ROBO2: variants seen among roughly 807,000 people sequenced by gnomAD.
ROBO2 encodes roundabout homolog 2.
In ROBO2, 53 loss-of-function variants were observed where a neutral mutation model predicts 160.8. The observed-to-expected ratio is 0.33, with a 90% CI of 0.26 to 0.41. The LOEUF is 0.41. Ranked by LOEUF, ROBO2 falls within the 10% of genes least tolerant of loss-of-function variation. The probability of loss-of-function intolerance (pLI) is 1.00; values close to 1 mark genes in which losing one functional copy is unlikely to be tolerated. For missense variants in ROBO2, 1,577 were observed against 1,722.4 expected (o/e 0.92, Z 1.49); for synonymous variants, 664 against 611.7 (o/e 1.09, Z -1.26).
At chr3:76,808,222 C>T (rs377590056) in intron 2 of ROBO2, among the ~76,000 whole-genome samples, 16 of 152,030 alleles carry the variant, frequency 1.1e-4, no homozygotes, top group African/African-American at 2.4e-4. Flanking sequence ...CTTACTCCAA[C>T]GATGCACTGC....
intron 2 of ROBO2, among the ~76,000 whole-genome samples, chr3:76,548,349 T>C (rs974522080): frequency 6.6e-6 from 1 of 152,086 alleles, no homozygotes; most frequent in African/African-American, 2.4e-5. Context: ...TGGACACACA[T>C]AGATTCCAGC....
chr3:76,125,759 T>C (rs1449449323), intron 2 of ROBO2, among the ~76,000 whole-genome samples: 3 of 152,140 alleles, frequency 2.0e-5, no homozygotes, highest in Non-Finnish European at 4.4e-5. Flanking sequence ...TAAGCTTAGG[T>C]GTTCAATTAA....
chr3:77,627,971 T>C (rs1052877535), intron 23 of ROBO2, among the ~76,000 whole-genome samples: 1 of 152,224 alleles, frequency 6.6e-6, no homozygotes, highest in Non-Finnish European at 1.5e-5. Flanking sequence ...TTAATTTTAG[T>C]GCTGAAGATG....
intron 2 of ROBO2, among the ~76,000 whole-genome samples, chr3:76,106,465 A>C (rs969737708): frequency 6.6e-6 from 1 of 152,150 alleles, no homozygotes; most frequent in Non-Finnish European, 1.5e-5. Context: ...TAACTTTTAC[A>C]TATTTGCTTG....
intron 2 of ROBO2, among the ~76,000 whole-genome samples, chr3:76,959,959 T>A (rs947245897): frequency 3.3e-5 from 5 of 151,940 alleles, no homozygotes; most frequent in Admixed American, 1.3e-4. Context: ...TCTTTTTTTT[T>A]ATTTTACTGA....
chr3:76,419,649 G>A (rs2075906812), intron 2 of ROBO2, among the ~76,000 whole-genome samples: 3 of 152,118 alleles, frequency 2.0e-5, no homozygotes, highest in African/African-American at 7.2e-5. Flanking sequence ...GTCTATTGAG[G>A]AAAGAGATGT....
chr3:77,076,416 A>G (rs2068008298), intron 1 of ROBO2, among the ~76,000 whole-genome samples: 1 of 152,150 alleles, frequency 6.6e-6, no homozygotes, highest in Non-Finnish European at 1.5e-5. Context: ...AGCATTTAAC[A>G]ACAGTTTATG....
At chr3:76,190,638 A>G (rs895303285) in intron 2 of ROBO2, among the ~76,000 whole-genome samples, 2 of 152,130 alleles carry the variant, frequency 1.3e-5, no homozygotes, top group Non-Finnish European at 2.9e-5. Flanking sequence ...TATTTAGCCT[A>G]TATTTACACC....
chr3:77,319,810 T>C (rs2064478147), intron 2 of ROBO2, among the ~76,000 whole-genome samples: 1 of 152,192 alleles, frequency 6.6e-6, no homozygotes, highest in Non-Finnish European at 1.5e-5. Flanking sequence ...CACCCTTTCA[T>C]ATTTGAAAAT....
exon 11 of ROBO2, chr3:77,563,294 C>A: frequency 6.2e-7 from 1 of 1,613,542 alleles, no homozygotes; most frequent in Non-Finnish European, 8.5e-7. Flanking sequence ...CCCCTGGAAC[C>A]CTTCCAGCAA....
intron 2 of ROBO2, among the ~76,000 whole-genome samples, chr3:76,907,333 C>T (rs368193791): frequency 1.2e-4 from 18 of 152,228 alleles, no homozygotes; most frequent in East Asian, 3.9e-4. Flanking sequence ...TACTTGAAGA[C>T]GACAGTCTTC....
At chr3:77,602,084 C>G (rs1374554774) in intron 19 of ROBO2, 126 bp from the exon 21 acceptor site, 23 of 943,082 alleles carry the variant, frequency 2.4e-5, no homozygotes, top group Non-Finnish European at 3.9e-5. Flanking sequence ...TTCAGTGGCT[C>G]ATGAAGCCCA....
chr3:77,167,038 A>T (rs367845362), intron 2 of ROBO2, among the ~76,000 whole-genome samples: 1 of 152,210 alleles, frequency 6.6e-6, no homozygotes, highest in African/African-American at 2.4e-5. Context: ...AATGGTGATA[A>T]GTTCATTATA....
intron 2 of ROBO2, among the ~76,000 whole-genome samples, chr3:77,017,896 A>C (rs1037692171): frequency 5.3e-5 from 8 of 152,096 alleles, no homozygotes; most frequent in African/African-American, 1.9e-4. Flanking sequence ...TTGCAATCAG[A>C]CCTTGGCAAT....
At chr3:76,643,545 T>C (rs1486426275) in intron 2 of ROBO2, among the ~76,000 whole-genome samples, 1 of 152,178 alleles carries the variant, frequency 6.6e-6, no homozygotes, top group Non-Finnish European at 1.5e-5. Context: ...TGTTAAAATA[T>C]AAAAGCTTCA....
intron 2 of ROBO2, among the ~76,000 whole-genome samples, chr3:77,418,911 A>C (rs1352002862): frequency 1.3e-5 from 2 of 152,236 alleles, no homozygotes; most frequent in East Asian, 3.9e-4. Context: ...GGATGGTTGC[A>C]ATCAGGAGAA....
intron 2 of ROBO2, among the ~76,000 whole-genome samples, chr3:76,177,603 T>C (rs2073276685): frequency 6.6e-6 from 1 of 152,174 alleles, no homozygotes; most frequent in African/African-American, 2.4e-5. Context: ...CTATTTTTAT[T>C]TTTGGCTTAT....
intron 2 of ROBO2, among the ~76,000 whole-genome samples, chr3:76,926,979 T>G (rs2149029168): frequency 6.6e-6 from 1 of 152,212 alleles, no homozygotes; most frequent in South Asian, 2.1e-4. Flanking sequence ...TCTTATAAAA[T>G]TTCCTGTTGC....
intron 2 of ROBO2, among the ~76,000 whole-genome samples, chr3:76,486,556 A>T (rs570227805): frequency 6.6e-6 from 1 of 152,184 alleles, no homozygotes; most frequent in Non-Finnish European, 1.5e-5. Context: ...TTACTCAGAA[A>T]ATCTCTGGTT....
Sources: gnomAD v4.1 joint callset for allele counts (sites outside exome capture counted in the v4.1 genomes callset) on GRCh38, gnomAD v4.1.1 for gene constraint, MANE v1.5 for transcripts, NCBI Gene and HGNC (gene_info 2026-07-23, HGNC 2026-07-21) for gene names.